Variants in COMMD10 observed in about 807,000 individuals in gnomAD.
COMMD10 encodes COMM domain containing 10.
Under a neutral mutation model 28.9 loss-of-function variants are expected in COMMD10, and 33 were observed. That is an observed-to-expected ratio of 1.14 (90% CI 0.87 to 1.53). The LOEUF (loss-of-function observed/expected upper bound fraction) is 1.53, where lower values mean the gene tolerates loss of function less well. Among genes scored for constraint, COMMD10 ranks in the 40% most tolerant of loss-of-function variants. The pLI is 0.00. For missense variants in COMMD10, 310 were observed against 233.4 expected (o/e 1.33, Z -2.14); for synonymous variants, 110 against 81.7 (o/e 1.35, Z -1.87).
intron 5 of COMMD10, among the ~76,000 whole-genome samples, chr5:116,227,360 A>T (rs565845163): frequency 6.6e-5 from 10 of 152,146 alleles, no homozygotes; most frequent in African/African-American, 2.4e-4. Context: ...AATTGTGGTT[A>T]TCCAGCCTCT....
chr5:116,096,273 G>A (rs934520315), intron 4 of COMMD10, among the ~76,000 whole-genome samples: 3 of 149,298 alleles, frequency 2.0e-5, no homozygotes, highest in Non-Finnish European at 4.5e-5. Flanking sequence ...AGTGTCTTTT[G>A]TTTTCAGCTT....
intron 5 of COMMD10, among the ~76,000 whole-genome samples, chr5:116,160,965 T>G (rs1752895985): frequency 6.6e-6 from 1 of 152,192 alleles, no homozygotes; most frequent in Non-Finnish European, 1.5e-5. Context: ...TAATTTCAGG[T>G]ATTTTTTTCA....
intron 4 of COMMD10, among the ~76,000 whole-genome samples, chr5:116,111,978 A>G (rs1321921876): frequency 6.6e-6 from 1 of 152,098 alleles, no homozygotes; most frequent in African/African-American, 2.4e-5. Flanking sequence ...TAGAATTGTT[A>G]TGTCCTCTTG....
intron 4 of COMMD10, among the ~76,000 whole-genome samples, chr5:116,130,030 T>A (rs1435802664): frequency 6.6e-6 from 1 of 151,508 alleles, no homozygotes; most frequent in Non-Finnish European, 1.5e-5. Context: ...TACTCTGTCA[T>A]ATGGCCATGG....
At position 116,292,620 on chromosome 5, in the gene COMMD10, CT is replaced by C; in HGVS notation, c.*133del. 6 of 603,236 alleles carry C rather than the reference CT, an allele frequency of 9.9e-6. No individual in the cohort carries two copies. Among genetic ancestry groups the C allele is most frequent in the Non-Finnish European group, 1.7e-5 (6 of 359,688 alleles). The allele number at this position is 603,236 out of a possible 1,614,324, so 37.4% of individuals were successfully genotyped here. On this transcript the variant is annotated 3_prime_UTR_variant, in exon 7 of 7. Coordinates refer to ENST00000274458, the MANE Select transcript of COMMD10 (RefSeq NM_016144.4). ...CTGTAAATTATATGGCTTATCACTT[CT>C]TAGACAAATAACAACCAATAGAGAT...
chr5:116,253,570 T>G (rs1750187341), intron 5 of COMMD10, among the ~76,000 whole-genome samples: 3 of 137,036 alleles, frequency 2.2e-5, no homozygotes, highest in Non-Finnish European at 4.7e-5. Flanking sequence ...GGTTTTTGTC[T>G]TTGGCTCTGT....
At chr5:116,193,532 T>G (rs184720378) in intron 5 of COMMD10, among the ~76,000 whole-genome samples, 163 of 152,304 alleles carry the variant, frequency 1.1e-3, no homozygotes, top group Admixed American at 1.7e-3. Context: ...GCTACTCTTA[T>G]GTCAGACAAA....
At chr5:116,129,160 T>C (rs1301356472) in intron 4 of COMMD10, among the ~76,000 whole-genome samples, 1 of 151,582 alleles carries the variant, frequency 6.6e-6, no homozygotes, top group African/African-American at 2.4e-5. Flanking sequence ...TGATATAATT[T>C]ATATAATTTT....
At chr5:116,187,772 A>T (rs1343210543) in intron 5 of COMMD10, among the ~76,000 whole-genome samples, 2 of 152,174 alleles carry the variant, frequency 1.3e-5, no homozygotes, top group Non-Finnish European at 2.9e-5. Context: ...TATTATAAAT[A>T]AAATTGCTGA....
At chr5:116,277,083 GTGT>G (rs1277593757) in intron 5 of COMMD10, among the ~76,000 whole-genome samples, 1 of 151,638 alleles carries the variant, frequency 6.6e-6, no homozygotes, top group South Asian at 2.1e-4. Flanking sequence ...AAATTCTCCA[GTGT>G]TGTTATTTTC....
At chr5:116,129,128 A>T (rs1751766274) in intron 4 of COMMD10, among the ~76,000 whole-genome samples, 1 of 151,734 alleles carries the variant, frequency 6.6e-6, no homozygotes, top group African/African-American at 2.4e-5. Flanking sequence ...TACTTGATTG[A>T]ACTTCTTGTA....
chr5:116,216,923 T>G (rs1749118456), intron 5 of COMMD10, among the ~76,000 whole-genome samples: 1 of 152,152 alleles, frequency 6.6e-6, no homozygotes, highest in Non-Finnish European at 1.5e-5. Context: ...GTTCTTCAGT[T>G]ATTACACTGT....
intron 5 of COMMD10, among the ~76,000 whole-genome samples, chr5:116,200,517 T>C (rs1211097986): frequency 6.6e-6 from 1 of 152,080 alleles, no homozygotes; most frequent in Non-Finnish European, 1.5e-5. Flanking sequence ...ATTTTTTTCC[T>C]GTTCTTTTCT....
At position 116,220,041 on chromosome 5, in the gene COMMD10, G is replaced by A. The variant is rs1056238045; in HGVS notation, c.511-71476G>A. Among the ~76,000 whole-genome samples, 11 of 151,084 alleles carry A rather than the reference G, an allele frequency of 7.3e-5. No individual in the cohort carries two copies. The East Asian group carries it at 1.4e-3, about 19-fold the overall frequency. On this transcript the variant is annotated intron_variant, in intron 5 of 6. Coordinates refer to ENST00000274458, the MANE Select transcript of COMMD10 (RefSeq NM_016144.4). ...GTTAAATTGTTTTGGATACATAGTC[G>A]GAGCCCAGGTTATTCTAACCTTGAA...
Position 116,085,085 on chromosome 5 carries a change from G to A in COMMD10, c.33G>A (p.Glu11=). 6.2e-7 allele frequency: 1 copy of A among 1,610,394 alleles called. No homozygotes were observed. The stretch of plus-strand genomic sequence containing the variant: ...TCCCCGCGGCGCTGATCCTACGGGA[G>A]AGCCCCAGGTAGCTGATCCGTTAAG... MAVPAALILR[E]SPSMKKAVSL... The change falls in exon 1 of 7, where the codon GAG becomes GAA. Residue 11 remains glutamate (E), a synonymous_variant. Transcript: ENST00000274458.
intron 5 of COMMD10, among the ~76,000 whole-genome samples, chr5:116,267,020 C>A (rs1425245429): frequency 6.6e-6 from 1 of 151,716 alleles, no homozygotes; most frequent in Admixed American, 6.6e-5. Flanking sequence ...GGAAGCATTC[C>A]CTTTGAAAAG....
At chr5:116,208,709 T>C (rs1165495124) in intron 5 of COMMD10, among the ~76,000 whole-genome samples, 1 of 151,950 alleles carries the variant, frequency 6.6e-6, no homozygotes, top group Admixed American at 6.6e-5. Context: ...GTTTTTTTCT[T>C]GTCTTGCTTT....
intron 4 of COMMD10, among the ~76,000 whole-genome samples, chr5:116,122,394 A>G (rs539465630): frequency 6.6e-6 from 1 of 152,288 alleles, no homozygotes; most frequent in African/African-American, 2.4e-5. Flanking sequence ...GCCTTGTAGT[A>G]TAGTTTGAAG....
At chr5:116,163,520 T>C (rs909492336) in intron 5 of COMMD10, among the ~76,000 whole-genome samples, 12 of 149,674 alleles carry the variant, frequency 8.0e-5, no homozygotes, top group Admixed American at 4.0e-4. Context: ...ACCCGGGAAG[T>C]AGAGGTTTCG....
Sources: allele counts gnomAD v4.1 joint callset (sites outside exome capture counted in the v4.1 genomes callset), GRCh38; gene constraint gnomAD v4.1.1; transcripts MANE v1.5; gene names NCBI Gene and HGNC (gene_info 2026-07-23, HGNC 2026-07-21).